The following CHPF2 variants were observed in gnomAD, a reference collection of about 807,000 sequenced individuals.
CHPF2 encodes chondroitin polymerizing factor 2, non-catalytic subunit.
In CHPF2, 58 loss-of-function variants were observed where a neutral mutation model predicts 63.0. That is an observed-to-expected ratio of 0.92 (90% CI 0.75 to 1.15). CHPF2 has a LOEUF of 1.15. CHPF2 is among the 50% of genes most tolerant of loss of function. CHPF2 has a pLI of 0.00. For missense variants in CHPF2, 1,045 were observed against 1,035.4 expected (o/e 1.01, Z -0.13); for synonymous variants, 442 against 438.0 (o/e 1.01, Z -0.11).
Position 151,238,023 on chromosome 7 carries a change from G to T in CHPF2, c.1661G>T (p.Arg554Leu). ...AAGGCTGCAGCAGCGGAGTTAGAGCGACGGTACCCTGGGACGAGGCTGGCC... is the reference window on the plus strand; with the variant it reads ...AAGGCTGCAGCAGCGGAGTTAGAGCTACGGTACCCTGGGACGAGGCTGGCC... ...GVKAAAAELE[R>L]RYPGTRLAWL... The change falls in exon 4 of 4, where the codon CGA (arginine) becomes CTA (leucine). Residue 554 changes from arginine to leucine, a missense_variant. Transcript: ENST00000035307. 6.2e-7 allele frequency: 1 copy of T among 1,612,950 alleles called. No homozygotes were observed. The highest frequency in any genetic ancestry group is 8.5e-7 in the Non-Finnish European group (1 of 1,180,024).
chr7:151,238,678 T>G lies in CHPF2; in HGVS notation c.2316T>G (p.Thr772=). The change falls in exon 4 of 4, where the codon ACT becomes ACG. Residue 772 remains threonine, a synonymous_variant. Coordinates refer to ENST00000035307, the MANE Select transcript of CHPF2 (RefSeq NM_019015.3). ...ALFEQEQANS[T] is the part of the protein sequence containing the mutation. ...TTGAGCAGGAGCAGGCCAATAGCAC[T>G]TAGCCCGCCTGGGGGCCCTAACCTC... The G allele has an allele frequency of 6.2e-7, 1 of 1,608,138 alleles. No individual in the cohort carries two copies. The highest frequency in any genetic ancestry group is 8.5e-7 in the Non-Finnish European group (1 of 1,177,692).
rs748578215 is a variant in CHPF2 at position 151,237,740 on chromosome 7, C to T, written c.1378C>T (p.Arg460Trp). The T allele has an allele frequency of 1.2e-5, 19 of 1,612,360 alleles. No individual in the cohort carries two copies. Among genetic ancestry groups the T allele is most frequent in the Admixed American group, 1.7e-5 (1 of 60,002 alleles). The change falls in exon 4 of 4, where the codon CGG becomes TGG. Residue 460 changes from arginine to tryptophan, a missense_variant. Transcript: ENST00000035307. Reference protein sequence around the residue: ...LECVTQRGHRRALARRVSLLR... With the variant: ...LECVTQRGHRWALARRVSLLR... ...ATGTGTGACACAGCGTGGGCACCGG[C>T]GGGCCCTGGCTCGCAGGGTCAGCCT... is the stretch of plus-strand genomic sequence containing the variant.
chr7:151,236,579 G>C lies in CHPF2; in HGVS notation c.1000G>C (p.Glu334Gln), dbSNP rs1802658526. ...GTTGGAGCGGGCTTACAGTGAAATA[G>C]AACAACTGCAGGTGAGCTGAAGAGG... ...LELERAYSEI[E>Q]QLQAQIRNLT... The change falls in exon 3 of 4, where the codon GAA (glutamate) becomes CAA (glutamine). Residue 334 changes from glutamate to glutamine, a missense_variant. Glu to Gln is a conservative substitution (Grantham distance 29). Transcript: ENST00000035307. The C allele has an allele frequency of 1.3e-6, 2 of 1,582,266 alleles. No homozygotes were observed.
Position 151,232,772 on chromosome 7 carries a change from C to A in CHPF2, c.-1240C>A, listed in dbSNP as rs1442095679. On this transcript the variant is annotated 5_prime_UTR_variant, in exon 1 of 4. Coordinates refer to ENST00000035307, the MANE Select transcript of CHPF2 (RefSeq NM_019015.3). ...CCTGCGCTCGCGGCCTCGATGCTGT[C>A]TCTGGCGCGGCCTCCGCTCCCGCCG... The A allele has an allele frequency of 6.6e-7, 1 of 1,505,878 alleles. No homozygotes were observed. 93.3% of individuals were successfully genotyped at this position (1,505,878 alleles called of 1,614,324 possible). A position where few individuals can be genotyped will look rare whatever the true frequency, so the allele number is the denominator to read the frequency against.
chr7:151,237,884 G>T lies in CHPF2; in HGVS notation c.1522G>T (p.Glu508Ter), dbSNP rs759727328. 1.9e-6 allele frequency: 3 copies of T among 1,612,692 alleles called. No homozygotes were observed. The highest frequency in any genetic ancestry group is 1.7e-6 in the Non-Finnish European group (2 of 1,180,000). ...AEAAAAPAFLEAFAANVLEPR... is the reference protein window; with the variant it reads ...AEAAAAPAFL ...AGCTGCTGCAGCCCCGGCTTTCCTC[G>T]AGGCCTTTGCAGCCAATGTCCTGGA... Residue 508 changes from glutamate to a stop codon, truncating the protein, a stop_gained, in exon 4 of 4, where the codon GAG becomes TAG. Transcript: ENST00000035307. LOFTEE classifies it high-confidence loss of function.
At chr7:151,235,674 C>A in intron 2 of CHPF2, 62 bp downstream of exon 2, 1 of 1,453,272 alleles carries the variant, frequency 6.9e-7, no homozygotes, top group Non-Finnish European at 9.4e-7. Context: ...AGTGATTGGC[C>A]TTCCTCCCAG....
chr7:151,232,882 C>A lies in CHPF2; in HGVS notation c.-1130C>A. The stretch of plus-strand genomic sequence containing the variant: ...CGCAGAACGACCCGAGCTGGTCTCC[C>A]GAGCCCCCTTCTCAGCAGCCCGGTG... On this transcript the variant is annotated 5_prime_UTR_variant, in exon 1 of 4. Coordinates refer to ENST00000035307, the MANE Select transcript of CHPF2 (RefSeq NM_019015.3). 1 of 1,394,608 alleles carries A rather than the reference C, an allele frequency of 7.2e-7. No individual in the cohort carries two copies. Among genetic ancestry groups the A allele is most frequent in the Non-Finnish European group, 9.3e-7 (1 of 1,079,336 alleles). 86.4% of individuals were successfully genotyped at this position (1,394,608 alleles called of 1,614,324 possible). A position where few individuals can be genotyped will look rare whatever the true frequency, so the allele number is the denominator to read the frequency against.
At position 151,234,075 on chromosome 7, in the gene CHPF2, CTG is replaced by C. The variant is rs1297508455; in HGVS notation, c.65_66del (p.Leu22ArgfsTer43). On this transcript the variant is annotated frameshift_variant, in exon 1 of 4. Transcript: ENST00000035307. LOFTEE classifies it high-confidence loss of function. ...PALPLILGLSLGCSLSLLRVS... is the reference protein window; with the variant it reads ...PALPLILGLSXGCSLSLLRVS... ...GCTTCCCCTCATCTTAGGGCTGTCT[CTG>C]GGGTGCAGCCTGAGCCTCCTGCGGG... is the stretch of plus-strand genomic sequence containing the variant. The C allele has an allele frequency of 6.2e-7, 1 of 1,601,898 alleles. No individual in the cohort carries two copies. The highest frequency in any genetic ancestry group is 8.5e-7 in the Non-Finnish European group (1 of 1,174,132).
intron 3 of CHPF2, 155 bp from the exon 4 acceptor site, chr7:151,237,219 C>T (rs1040285859): frequency 2.1e-5 from 13 of 615,300 alleles, no homozygotes; most frequent in Admixed American, 2.8e-5. Flanking sequence ...TGAAGAATAA[C>T]GTACAAGGGA....
rs200719651 is a variant in CHPF2, at chr7:151,235,503, G to A, written c.719G>A (p.Arg240Gln). 2.0e-4 allele frequency: 325 copies of A among 1,611,320 alleles called. No homozygotes were observed. The highest frequency in any genetic ancestry group is 2.7e-4 in the Non-Finnish European group (315 of 1,180,012). The change falls in exon 2 of 4, where the codon CGG (arginine) becomes CAG (glutamine). Residue 240 changes from arginine (R) to glutamine (Q), a missense_variant. Transcript: ENST00000035307. ...LLSRSLLLRL[R>Q]PHLDGCRGDI... The stretch of plus-strand genomic sequence containing the variant: ...TCACGGAGTCTCCTGCTTCGTCTGC[G>A]GCCACATCTGGATGGCTGCCGAGGA...
Position 151,238,510 on chromosome 7 carries a change from CT to C in CHPF2, c.2151del (p.Arg718GlyfsTer3). On this transcript the variant is annotated frameshift_variant, in exon 4 of 4. Transcript: ENST00000035307. LOFTEE classifies it high-confidence loss of function. Reference protein sequence around the residue: ...VFLRFSGLHLFRAVEPGLVQK... With the variant: ...VFLRFSGLHLXRAVEPGLVQK... ...TCCTCCGGTTCTCAGGGCTCCACCT[CT>C]TTCGGGCCGTAGAGCCAGGGCTGGT... The C allele has an allele frequency of 1.2e-6, 2 of 1,602,908 alleles. No homozygotes were observed. The highest frequency in any genetic ancestry group is 8.5e-7 in the Non-Finnish European group (1 of 1,173,108).
rs748821804 is a variant in CHPF2 at position 151,238,178 on chromosome 7, C to A, written c.1816C>A (p.Arg606Ser). ...WTRPGPEVLN[R>S]CRMNAISGWQ... is the part of the protein sequence containing the mutation. ...AAGGCCTGGGCCCGAAGTCCTCAAC[C>A]GCTGTCGCATGAATGCCATCTCTGG... The change falls in exon 4 of 4, where the codon CGC becomes AGC. Residue 606 changes from arginine to serine, a missense_variant. Physicochemically the swap from Arg to Ser is moderately radical, Grantham distance 110. Coordinates refer to ENST00000035307, the MANE Select transcript of CHPF2 (RefSeq NM_019015.3). The A allele has an allele frequency of 1.9e-6, 3 of 1,612,894 alleles. No individual in the cohort carries two copies. Among genetic ancestry groups the A allele is most frequent in the Non-Finnish European group, 2.5e-6 (3 of 1,180,030 alleles).
At chr7:151,234,489 GTTTGTT>G (rs974168243) in intron 1 of CHPF2, among the ~76,000 whole-genome samples, 1 of 152,032 alleles carries the variant, frequency 6.6e-6, no homozygotes, top group African/African-American at 2.4e-5. Context: ...GATGTTTTTT[GTTTGTT>G]TTTGTTTTGT....
rs1205917417 is a variant in CHPF2 at position 151,238,456 on chromosome 7, C to CCTGGAGGGG, written c.2102_2110dup (p.Gly701_Glu703dup). 6.3e-7 allele frequency: 1 copy of CCTGGAGGGG among 1,586,732 alleles called. No individual in the cohort carries two copies. The highest frequency in any genetic ancestry group is 1.3e-5 in the African/African-American group (1 of 74,282). On this transcript the variant is annotated inframe_insertion, in exon 4 of 4. Coordinates refer to ENST00000035307, the MANE Select transcript of CHPF2 (RefSeq NM_019015.3). ...TGGCAGGCCAGGAAGAGGAGGAAGCCCTGGAGGGGCTGGAGGTGATGGATG... is the reference window on the plus strand; with the variant it reads ...TGGCAGGCCAGGAAGAGGAGGAAGCCCTGGAGGGGCTGGAGGGGCTGGAGGTGATGGATG...
At position 151,232,965 on chromosome 7, in the gene CHPF2, G is replaced by C. The variant is rs368307189; in HGVS notation, c.-1047G>C. 1.9e-5 allele frequency: 26 copies of C among 1,338,326 alleles called. No homozygotes were observed. The highest frequency in any genetic ancestry group is 2.4e-5 in the Non-Finnish European group (25 of 1,046,924). 82.9% of individuals were successfully genotyped at this position (1,338,326 alleles called of 1,614,324 possible). ...CGGCGAAGACTCGCGTCGGGTCTTC[G>C]TTCTAGGGCTAGACTTGGTCTCTGA... On this transcript the variant is annotated 5_prime_UTR_variant, in exon 1 of 4. Coordinates refer to ENST00000035307, the MANE Select transcript of CHPF2 (RefSeq NM_019015.3).
Position 151,233,728 on chromosome 7 carries a change from A to C in CHPF2, c.-284A>C. 1.7e-6 allele frequency: 2 copies of C among 1,162,926 alleles called. No individual in the cohort carries two copies. The highest frequency in any genetic ancestry group is 2.1e-6 in the Non-Finnish European group (2 of 944,592). The allele number at this position is 1,162,926 out of a possible 1,614,324, so 72.0% of individuals were successfully genotyped here. On this transcript the variant is annotated 5_prime_UTR_variant, in exon 1 of 4. Coordinates refer to ENST00000035307, the MANE Select transcript of CHPF2 (RefSeq NM_019015.3). Reference sequence around the variant, plus strand: ...CTCTTTTTAGTGGAAGACAGACCATAATCCCAGTGTGAGTGAAATTGATTG... The same window carrying C: ...CTCTTTTTAGTGGAAGACAGACCATCATCCCAGTGTGAGTGAAATTGATTG...
chr7:151,235,413 C>A lies in CHPF2; in HGVS notation c.629C>A (p.Ala210Glu). The change falls in exon 2 of 4, where the codon GCA becomes GAA. Residue 210 changes from alanine (A) to glutamate (E), a missense_variant. By Grantham distance (107) the Ala-to-Glu change is moderately radical. Coordinates refer to ENST00000035307, the MANE Select transcript of CHPF2 (RefSeq NM_019015.3). ...AACCAAGACCTGTACTTAGGCCGGG[C>A]AGAGGAGTTCATTGGCGCAGGCGAG... is the stretch of plus-strand genomic sequence containing the variant. ...SINQDLYLGRAEEFIGAGEQA... is the reference protein window; with the variant it reads ...SINQDLYLGREEEFIGAGEQA... The A allele has an allele frequency of 6.2e-7, 1 of 1,613,040 alleles. No homozygotes were observed. Among genetic ancestry groups the A allele is most frequent in the East Asian group, 2.2e-5 (1 of 44,890 alleles).
Position 151,237,846 on chromosome 7 carries a change from T to A in CHPF2, c.1484T>A (p.Leu495His). ...EATRVQLVLPLLVAEAAAAPA... is the reference protein window; with the variant it reads ...EATRVQLVLPHLVAEAAAAPA... ...ACCCGAGTGCAGCTGGTGCTGCCAC[T>A]CCTGGTGGCTGAAGCTGCTGCAGCC... Residue 495 changes from leucine (L) to histidine (H), a missense_variant, in exon 4 of 4, where the codon CTC becomes CAC. Transcript: ENST00000035307. 2.4e-5 allele frequency: 38 copies of A among 1,612,670 alleles called. No individual in the cohort carries two copies. Among genetic ancestry groups the A allele is most frequent in the Non-Finnish European group, 3.2e-5 (38 of 1,180,000 alleles).
Position 151,232,531 on chromosome 7 carries a change from G to A in CHPF2, c.-1481G>A, listed in dbSNP as rs1164807373. Reference sequence around the variant, plus strand: ...GTGAGGTGGCAGCGGCTGCAGCGGCGGAGCCGGCGCCTCAGCGGGCACTGG... The same window carrying A: ...GTGAGGTGGCAGCGGCTGCAGCGGCAGAGCCGGCGCCTCAGCGGGCACTGG... On this transcript the variant is annotated 5_prime_UTR_variant, in exon 1 of 4. Transcript: ENST00000035307. 9.9e-6 allele frequency: 5 copies of A among 506,178 alleles called. No homozygotes were observed. Among genetic ancestry groups the A allele is most frequent in the Non-Finnish European group, 1.7e-5 (5 of 288,768 alleles). The allele number at this position is 506,178 out of a possible 1,614,324, so 31.4% of individuals were successfully genotyped here.
Sources: gnomAD v4.1 joint callset for allele counts (sites outside exome capture counted in the v4.1 genomes callset) on GRCh38, gnomAD v4.1.1 for gene constraint, MANE v1.5 for transcripts, NCBI Gene and HGNC (gene_info 2026-07-23, HGNC 2026-07-21) for gene names.